Variants in INTS2 observed in about 807,000 individuals in gnomAD.
INTS2 encodes the protein integrator complex subunit 2.
In INTS2, 57 loss-of-function variants were observed where a neutral mutation model predicts 139.6. The ratio of observed to expected loss-of-function variants is 0.41; its 90% confidence interval spans 0.33 to 0.51. The LOEUF is 0.51. Among genes scored for constraint, INTS2 ranks in the 20% least tolerant of loss-of-function variants. The pLI is 0.28. For missense variants in INTS2, 1,196 were observed against 1,436.7 expected, an observed-to-expected ratio of 0.83 and a Z score of 2.71; for synonymous variants, 473 against 493.4, an observed-to-expected ratio of 0.96 and a Z score of 0.55.
At position 61,926,770 on chromosome 17, in the gene INTS2, GT is replaced by G. The variant is rs536179870; in HGVS notation, c.-18-109del. 357 of 820,798 alleles carry G rather than the reference GT, an allele frequency of 4.3e-4. No homozygotes were observed. In the African/African-American group the frequency reaches 5.5e-3, roughly 13 times the overall value. 50.8% of individuals were successfully genotyped at this position (820,798 alleles called of 1,614,324 possible). The stretch of plus-strand genomic sequence containing the variant: ...TGGTGTATCTTTAATAGGTCCCTAT[GT>G]TGGCAATGTTCCTGGCACAATCAAG... On this transcript the variant is annotated intron_variant, in intron 1 of 24. Transcript: ENST00000251334.
In INTS2 at chr17:61,918,948, G is replaced by A. The variant is rs1238539180; in HGVS notation, c.649+452C>T. On this transcript the variant is annotated intron_variant, in intron 5 of 24. Coordinates refer to ENST00000251334, the MANE Select transcript of INTS2 (RefSeq NM_001351695.2). ...GTTTTTTTTTTTTTTTTTTTGAGAC[G>A]GAGTCTCGCCCTGTCGCCCAGGCCG... Among the ~76,000 whole-genome samples the A allele has an allele frequency of 5.0e-5, 7 of 139,270 alleles. No homozygotes were observed. In the East Asian group the frequency reaches 8.3e-4, roughly 17 times the overall value. 91.4% of individuals were successfully genotyped at this position (139,270 alleles called of 152,430 possible).
At position 61,909,180 on chromosome 17, in the gene INTS2, C is replaced by T. The variant is rs2079497113; in HGVS notation, c.955-1546G>A. On this transcript the variant is annotated intron_variant, in intron 7 of 24. Coordinates refer to ENST00000251334, the MANE Select transcript of INTS2 (RefSeq NM_001351695.2). The surrounding 1 kb of genome is among the most constrained non-coding windows in gnomAD (Gnocchi z 4.9). ...AGGCTGGAGTGCAGTGGCGTGATCT[C>T]GGCTCACTGCAACCTCTGCCTCCCA... Among the ~76,000 whole-genome samples the T allele has an allele frequency of 6.6e-6, 1 of 151,936 alleles. No homozygotes were observed. The highest frequency in any genetic ancestry group is 2.4e-5 in the African/African-American group (1 of 41,352).
intron 2 of INTS2, among the ~76,000 whole-genome samples, chr17:61,925,446 G>A (rs1038996130): frequency 5.3e-5 from 8 of 151,486 alleles, no homozygotes; most frequent in Admixed American, 1.3e-4. Flanking sequence ...GCATGGTGGC[G>A]CGTGCCTGTA....
At chr17:61,911,366 A>T in intron 7 of INTS2, 154 bp downstream of exon 7, 1 of 526,874 alleles carries the variant, frequency 1.9e-6, no homozygotes, top group Admixed American at 3.9e-5. Context: ...GCTCTTTGGT[A>T]TCCTTAGTGA....
At chr17:61,922,545 T>C (rs1320281101) in intron 3 of INTS2, among the ~76,000 whole-genome samples, 8 of 127,052 alleles carry the variant, frequency 6.3e-5, no homozygotes, top group South Asian at 2.5e-4. Flanking sequence ...TATATATATA[T>C]ACGTGTTCAA....
In INTS2 at chr17:61,870,404, C is replaced by T. The variant is rs944733635; in HGVS notation, c.2779-416G>A. Among the ~76,000 whole-genome samples, 2 of 152,172 alleles carry T rather than the reference C, an allele frequency of 1.3e-5. No homozygotes were observed. The highest frequency in any genetic ancestry group is 2.9e-5 in the Non-Finnish European group (2 of 68,034). ...TCCTTTCCTTCCTCTTAATCTCCTA[C>T]TTTTCCCAGTATGCTATCCTGATTT... On this transcript the variant is annotated intron_variant, in intron 20 of 24. Coordinates refer to ENST00000251334, the MANE Select transcript of INTS2 (RefSeq NM_001351695.2). The surrounding 1 kb of genome is among the most constrained non-coding windows in gnomAD (Gnocchi z 4.4).
At chr17:61,905,948 T>C (rs1437843105) in intron 8 of INTS2, among the ~76,000 whole-genome samples, 1 of 152,186 alleles carries the variant, frequency 6.6e-6, no homozygotes, top group Admixed American at 6.5e-5. Flanking sequence ...CTGTCCACCT[T>C]GGCCCCCCAA....
intron 12 of INTS2, among the ~76,000 whole-genome samples, chr17:61,894,804 T>C (rs1215596023): frequency 6.7e-6 from 1 of 150,094 alleles, no homozygotes; most frequent in African/African-American, 2.5e-5. Context: ...GCTATGACCA[T>C]ACCACTGTAT....
chr17:61,919,510 A>G lies in INTS2; in HGVS notation c.539T>C (p.Leu180Pro). 1 of 1,543,374 alleles carries G rather than the reference A, an allele frequency of 6.5e-7. No individual in the cohort carries two copies. Among genetic ancestry groups the G allele is most frequent in the Non-Finnish European group, 8.9e-7 (1 of 1,126,874 alleles). ...ATCAACTATAGGGAGCAAGGAAGGGAGCTCTACAAGAAAACAAAGTCAGTG... is the reference window on the plus strand; with the variant it reads ...ATCAACTATAGGGAGCAAGGAAGGGGGCTCTACAAGAAAACAAAGTCAGTG... The part of the protein sequence containing the change: ...ADVLCILQAE[L>P]PSLLPIVDVA... Residue 180 changes from leucine to proline, a missense_variant, in exon 5 of 25, where the codon CTC (leucine) becomes CCC (proline). Transcript: ENST00000251334.
At chr17:61,903,039 C>T (rs1210476230) in intron 9 of INTS2, among the ~76,000 whole-genome samples, 1 of 150,842 alleles carries the variant, frequency 6.6e-6, no homozygotes, top group Admixed American at 6.6e-5. Context: ...GTGGCAGGCT[C>T]CTGTAGTCCC....
At position 61,876,162 on chromosome 17, in the gene INTS2, T is replaced by C. The variant is rs953670187; in HGVS notation, c.2457-1124A>G. ...CAGCCTGGGTGACAAAGCAAGACCC[T>C]GTATCTAAAAAGTAAAAATAAAAAA... On this transcript the variant is annotated intron_variant, in intron 18 of 24. Transcript: ENST00000251334. This position sits in a 1 kb window ranked among gnomAD's most constrained non-coding sequence, Gnocchi z 4.1. Among the ~76,000 whole-genome samples the C allele has an allele frequency of 1.3e-5, 2 of 152,132 alleles. No individual in the cohort carries two copies. The highest frequency in any genetic ancestry group is 4.8e-5 in the African/African-American group (2 of 41,424).
At chr17:61,920,179 G>C (rs1174991911) in intron 4 of INTS2, among the ~76,000 whole-genome samples, 2 of 126,710 alleles carry the variant, frequency 1.6e-5, no homozygotes, top group South Asian at 4.8e-4. Context: ...AATCTTATTT[G>C]CTTTTTTTTT....
At chr17:61,906,541 G>A (rs968087740) in intron 8 of INTS2, among the ~76,000 whole-genome samples, 3 of 152,106 alleles carry the variant, frequency 2.0e-5, no homozygotes, top group Admixed American at 1.3e-4. Context: ...AATGTATCAT[G>A]GCAACTGAAA....
chr17:61,888,259 AC>A lies in INTS2; in HGVS notation c.1984+1526del, dbSNP rs369779219. On this transcript the variant is annotated intron_variant, in intron 15 of 24. Transcript: ENST00000251334. ...GTGGTGTCCACCTGTGGTCCCAGCT[AC>A]ACTGGAGGCTGAGGCAGGGATCCCT... 5.8e-3 allele frequency among the ~76,000 whole-genome samples: 881 copies of A among 151,576 alleles called. 5 individuals carry two copies. Among genetic ancestry groups the A allele is most frequent in the African/African-American group, 0.02 (839 of 41,316 alleles).
Position 61,876,480 on chromosome 17 carries a change from T to C in INTS2, c.2456+1407A>G, listed in dbSNP as rs2079128215. 6.6e-6 allele frequency among the ~76,000 whole-genome samples: 1 copy of C among 151,978 alleles called. No individual in the cohort carries two copies. Among genetic ancestry groups the C allele is most frequent in the South Asian group, 2.1e-4 (1 of 4,826 alleles). ...AAATAGTGTTTCTTTTGTTTTTTTT[T>C]GAGACAGGGTTTCAGTGGCACGATC... is the stretch of plus-strand genomic sequence containing the variant. On this transcript the variant is annotated intron_variant, in intron 18 of 24. Transcript: ENST00000251334. The surrounding 1 kb of genome is among the most constrained non-coding windows in gnomAD (Gnocchi z 4.1).
chr17:61,880,341 C>T (rs1011629788), intron 17 of INTS2, among the ~76,000 whole-genome samples: 19 of 151,988 alleles, frequency 1.3e-4, no homozygotes, highest in Admixed American at 1.2e-3. Flanking sequence ...CCACCACGCC[C>T]GGCCTACACT....
chr17:61,908,550 G>GATGA (rs1389531868), intron 7 of INTS2, among the ~76,000 whole-genome samples: 1 of 152,168 alleles, frequency 6.6e-6, no homozygotes, highest in Non-Finnish European at 1.5e-5. Flanking sequence ...CTGTTAAGTA[G>GATGA]ATGAATGAAC....
intron 17 of INTS2, among the ~76,000 whole-genome samples, 190 bp downstream of exon 17, chr17:61,880,817 G>A (rs984199310): frequency 1.4e-5 from 2 of 138,856 alleles, no homozygotes; most frequent in African/African-American, 2.7e-5. Context: ...AAGGGGGAAA[G>A]GAGGAAAGGG....
rs776094261 is a variant in INTS2, at chr17:61,867,863, G to T, written c.3391C>A (p.Gln1131Lys). 5 of 1,602,808 alleles carry T rather than the reference G, an allele frequency of 3.1e-6. No individual in the cohort carries two copies. In the East Asian group the frequency reaches 8.9e-5, roughly 29 times the overall value. The change falls in exon 24 of 25, where the codon CAG becomes AAG. Residue 1131 changes from glutamine to lysine, a missense_variant. Gln to Lys is a moderately conservative substitution (Grantham distance 53). Around this residue, in one of 3 missense-constraint regions of INTS2, gnomAD observed 1,129 missense variants for 1,341.9 expected, o/e 0.84. Coordinates refer to ENST00000251334, the MANE Select transcript of INTS2 (RefSeq NM_001351695.2). This position sits in a 1 kb window ranked among gnomAD's most constrained non-coding sequence, Gnocchi z 5.6. The stretch of plus-strand genomic sequence containing the variant: ...ATAATTGGATCAATGTCTCTTGTCT[G>T]AGTGGCAACATCAGAGGCACAAACT... Reference protein sequence around the residue: ...GQVCASDVATQTRDIDPIITR... With the variant: ...GQVCASDVATKTRDIDPIITR...
Sources: allele counts gnomAD v4.1 joint callset (sites outside exome capture counted in the v4.1 genomes callset), GRCh38; gene constraint gnomAD v4.1.1; regional missense constraint gnomAD v4.1.1; non-coding constraint Gnocchi (gnomAD v3.1); transcripts MANE v1.5; gene names NCBI Gene and HGNC (gene_info 2026-07-23, HGNC 2026-07-21).